The following SLC26A7 variants were observed in gnomAD, a reference collection of about 807,000 sequenced individuals.
The protein encoded by SLC26A7 is solute carrier family 26 member 7, also known as anion exchange transporter.
In SLC26A7, 59 loss-of-function variants were observed where a neutral mutation model predicts 82.5. The observed-to-expected ratio is 0.72, with a 90% CI of 0.58 to 0.89. The LOEUF is 0.89. Among genes scored for constraint, SLC26A7 ranks in the 40% least tolerant of loss-of-function variants. SLC26A7 has a pLI of 0.00. For missense variants in SLC26A7, 820 were observed against 793.0 expected (o/e 1.03, Z -0.41); for synonymous variants, 271 against 274.3 (o/e 0.99, Z 0.12).
intron 5 of SLC26A7, among the ~76,000 whole-genome samples, chr8:91,333,117 C>T (rs1004721607): frequency 4.6e-5 from 7 of 151,996 alleles, no homozygotes; most frequent in Admixed American, 2.0e-4. Flanking sequence ...TTGTGCTAGT[C>T]GATTTAGATG....
In SLC26A7 at chr8:91,363,526, A is replaced by G. The variant is rs538999443; in HGVS notation, c.1476A>G (p.Thr492=). ...NMKEMEFKVK[T]EMDSETLQQV... ...AAGAAATGGAATTTAAAGTGAAGAC[A>G]GAAATGGACAGTGTAAGTTTAGTTT... Residue 492 remains threonine, a synonymous_variant, in exon 13 of 19, where the codon ACA becomes ACG. Transcript: ENST00000276609. 4.0e-6 allele frequency: 6 copies of G among 1,486,388 alleles called. No homozygotes were observed. Among genetic ancestry groups the G allele is most frequent in the Non-Finnish European group, 5.5e-6 (6 of 1,083,370 alleles). 92.1% of individuals were successfully genotyped at this position (1,486,388 alleles called of 1,614,324 possible).
upstream of SLC26A7, among the ~76,000 whole-genome samples, chr8:91,248,646 A>G (rs1187383503): frequency 6.6e-6 from 1 of 152,096 alleles, no homozygotes; most frequent in African/African-American, 2.4e-5. Context: ...CCCTTATTAA[A>G]AAGAGAACAC....
chr8:91,251,641 C>G (rs1474411167), intron 2 of SLC26A7, among the ~76,000 whole-genome samples: 2 of 152,052 alleles, frequency 1.3e-5, no homozygotes, highest in Admixed American at 6.6e-5. Flanking sequence ...TTATCTCCCC[C>G]TATCCTAACA....
chr8:91,287,544 G>C (rs1563661031), intron 2 of SLC26A7, among the ~76,000 whole-genome samples: 1 of 152,150 alleles, frequency 6.6e-6, no homozygotes, highest in Non-Finnish European at 1.5e-5. Flanking sequence ...GATTAATCCA[G>C]GAGCTTTTGC....
At chr8:91,307,414 G>T (rs201625782) in intron 4 of SLC26A7, among the ~76,000 whole-genome samples, 2 of 142,964 alleles carry the variant, frequency 1.4e-5, no homozygotes, top group African/African-American at 5.3e-5. Flanking sequence ...GTCCAACAAT[G>T]ATAGATTGGA....
At chr8:91,368,681 C>T (rs1255119094) in intron 14 of SLC26A7, among the ~76,000 whole-genome samples, 1 of 152,104 alleles carries the variant, frequency 6.6e-6, no homozygotes, top group Non-Finnish European at 1.5e-5. Flanking sequence ...CCTCGGCCTC[C>T]CAAAGTGCTG....
At chr8:91,277,221 C>G (rs541748272) in intron 2 of SLC26A7, among the ~76,000 whole-genome samples, 22 of 152,280 alleles carry the variant, frequency 1.4e-4, no homozygotes, top group Non-Finnish European at 2.8e-4. Context: ...TACCTGTTTG[C>G]CTTTCTTAAA....
At chr8:91,367,300 G>A (rs531005004) in intron 14 of SLC26A7, among the ~76,000 whole-genome samples, 3 of 152,226 alleles carry the variant, frequency 2.0e-5, no homozygotes, top group South Asian at 4.1e-4. Context: ...GAGCCACTGC[G>A]CCCAGTCGAA....
chr8:91,387,620 C>T (rs970338362), intron 15 of SLC26A7, among the ~76,000 whole-genome samples: 1 of 135,320 alleles, frequency 7.4e-6, no homozygotes, highest in Non-Finnish European at 1.5e-5. Context: ...CATTACTTCT[C>T]CTTTTTGGAA....
At chr8:91,320,136 C>T (rs1812750624) in intron 5 of SLC26A7, among the ~76,000 whole-genome samples, 1 of 152,058 alleles carries the variant, frequency 6.6e-6, no homozygotes, top group African/African-American at 2.4e-5. Flanking sequence ...GATCTTGGCT[C>T]ACTGCAACCT....
At chr8:91,318,563 ATT>A (rs1379627032) in intron 5 of SLC26A7, among the ~76,000 whole-genome samples, 183 bp downstream of exon 5, 1 of 152,132 alleles carries the variant, frequency 6.6e-6, no homozygotes, top group Admixed American at 6.6e-5. Flanking sequence ...ATTTCTACTA[ATT>A]TTGGAAATGA....
At chr8:91,369,529 T>G (rs1814294819) in intron 14 of SLC26A7, among the ~76,000 whole-genome samples, 1 of 152,146 alleles carries the variant, frequency 6.6e-6, no homozygotes, top group Non-Finnish European at 1.5e-5. Flanking sequence ...AAAACAAACT[T>G]AGTTTTGCAG....
At chr8:91,214,049 A>C (rs979453409) in intron 1 of SLC26A7, among the ~76,000 whole-genome samples, 2 of 152,150 alleles carry the variant, frequency 1.3e-5, no homozygotes, top group Non-Finnish European at 2.9e-5. Flanking sequence ...AGAAAGAGTC[A>C]CTTGGCAATA....
At chr8:91,320,404 A>G (rs1230780666) in intron 5 of SLC26A7, among the ~76,000 whole-genome samples, 1 of 152,202 alleles carries the variant, frequency 6.6e-6, no homozygotes, top group African/African-American at 2.4e-5. Flanking sequence ...GAAAATGGAA[A>G]AAAAGAGTTG....
intron 6 of SLC26A7, among the ~76,000 whole-genome samples, chr8:91,336,617 G>C (rs1487373416): frequency 2.0e-5 from 3 of 152,002 alleles, no homozygotes; most frequent in African/African-American, 4.8e-5. Flanking sequence ...AGTCACACCT[G>C]GGGTGCAATC....
intron 2 of SLC26A7, among the ~76,000 whole-genome samples, chr8:91,262,252 T>C (rs1278651562): frequency 6.6e-6 from 1 of 152,058 alleles, no homozygotes; most frequent in Non-Finnish European, 1.5e-5. Context: ...AGTTTAGCAC[T>C]TGAATGTCAA....
intron 11 of SLC26A7, among the ~76,000 whole-genome samples, chr8:91,360,300 GGTTA>G (rs1411894208): frequency 6.6e-6 from 1 of 152,084 alleles, no homozygotes; most frequent in African/African-American, 2.4e-5. Context: ...TTAACACTGG[GGTTA>G]GTTTGTGTTT....
upstream of SLC26A7, among the ~76,000 whole-genome samples, chr8:91,247,616 C>G (rs1391061274): frequency 1.3e-5 from 2 of 152,026 alleles, no homozygotes; most frequent in African/African-American, 4.8e-5. Flanking sequence ...TGAGAGATTT[C>G]AGAACTATTT....
At chr8:91,254,853 A>T (rs966045489) in intron 2 of SLC26A7, among the ~76,000 whole-genome samples, 1 of 152,114 alleles carries the variant, frequency 6.6e-6, no homozygotes, top group African/African-American at 2.4e-5. Context: ...ATCTGCCATG[A>T]TGTTCTTTAA....
Sources: allele counts gnomAD v4.1 joint callset (sites outside exome capture counted in the v4.1 genomes callset), GRCh38; gene constraint gnomAD v4.1.1; transcripts MANE v1.5; gene names NCBI Gene and HGNC (gene_info 2026-07-23, HGNC 2026-07-21).